Variants in BMX observed in about 807,000 individuals in gnomAD.
The protein encoded by BMX is cytoplasmic tyrosine-protein kinase BMX.
In BMX, 31 loss-of-function variants were observed where a neutral mutation model predicts 59.2. The observed-to-expected ratio is 0.52, with a 90% CI of 0.39 to 0.71. The LOEUF is 0.71. Ranked by LOEUF, BMX falls within the 30% of genes least tolerant of loss-of-function variation. The pLI is 0.00. For missense variants in BMX, 474 were observed against 491.7 expected (o/e 0.96, Z 0.34); for synonymous variants, 185 against 181.0 (o/e 1.02, Z -0.18).
chrX:15,540,014 A>G (rs1282454319), intron 14 of BMX, among the ~76,000 whole-genome samples: 1 of 112,383 alleles, frequency 8.9e-6, no homozygotes, highest in East Asian at 2.8e-4. Flanking sequence ...ACTGTGGAAG[A>G]CAGTGTGGTG....
chrX:15,554,509 G>A (rs992785654), intron 18 of BMX, among the ~76,000 whole-genome samples: 1 of 110,570 alleles, frequency 9.0e-6, no homozygotes, highest in Non-Finnish European at 1.9e-5. Flanking sequence ...ATTTGATTGA[G>A]GGTGGGTGGG....
At chrX:15,519,785 G>T (rs1051581386) in intron 6 of BMX, among the ~76,000 whole-genome samples, 2 of 111,775 alleles carry the variant, frequency 1.8e-5, no homozygotes, top group Admixed American at 9.5e-5. Flanking sequence ...TGCAGAAATT[G>T]TATGGTGAGA....
rs774651351 is a variant in BMX, at chrX:15,517,141, A to C, written c.446-788A>C. Among the ~76,000 whole-genome samples, 13 of 111,849 alleles carry C rather than the reference A, an allele frequency of 1.2e-4. No homozygotes were observed. The South Asian group carries it at 1.9e-3, about 16-fold the overall frequency. The stretch of plus-strand genomic sequence containing the variant: ...TGTTAATACTGGTCATTTTACCCCC[A>C]AAAAATCAATTAATAAATATTCATT... On this transcript the variant is annotated intron_variant, in intron 5 of 18. Transcript: ENST00000348343.
intron 15 of BMX, among the ~76,000 whole-genome samples, 157 bp downstream of exon 15, chrX:15,542,355 A>G (rs1210233763): frequency 8.9e-6 from 1 of 112,107 alleles, no homozygotes; most frequent in Non-Finnish European, 1.9e-5. Context: ...ACAAAAATCA[A>G]TGTAAAAATA....
chrX:15,518,518 C>A (rs1349322366), intron 6 of BMX, among the ~76,000 whole-genome samples: 3 of 111,997 alleles, frequency 2.7e-5, no homozygotes, highest in Non-Finnish European at 5.6e-5. Flanking sequence ...GTTTTGCAGT[C>A]ATTCTCAAAT....
intron 7 of BMX, among the ~76,000 whole-genome samples, chrX:15,524,129 C>A (rs1292722550): frequency 9.0e-6 from 1 of 111,688 alleles, no homozygotes; most frequent in Non-Finnish European, 1.9e-5. Flanking sequence ...AATCTATGCC[C>A]CCATTAAATC....
intron 18 of BMX, among the ~76,000 whole-genome samples, chrX:15,552,116 G>A (rs1926229409): frequency 8.9e-6 from 1 of 112,234 alleles, no homozygotes; most frequent in African/African-American, 3.2e-5. Flanking sequence ...TGCTATCTGT[G>A]TTATGACTCA....
chrX:15,518,981 T>C (rs1159914037), intron 6 of BMX, among the ~76,000 whole-genome samples: 21 of 112,050 alleles, frequency 1.9e-4, no homozygotes. Context: ...GGAGTTGGCC[T>C]ATAAGAAAAC....
At chrX:15,501,783 G>A (rs1055649914) in intron 1 of BMX, among the ~76,000 whole-genome samples, 2 of 111,093 alleles carry the variant, frequency 1.8e-5, no homozygotes, top group Non-Finnish European at 3.8e-5. Context: ...AGTCAATAAG[G>A]GTATGGTTCA....
At chrX:15,536,924 C>T (rs1361191391) in intron 13 of BMX, among the ~76,000 whole-genome samples, 2 of 111,261 alleles carry the variant, frequency 1.8e-5, no homozygotes, top group African/African-American at 3.3e-5. Context: ...ACTGTAGCTA[C>T]TTCAAGAATA....
At chrX:15,530,326 G>C (rs1925006350) in intron 10 of BMX, among the ~76,000 whole-genome samples, 1 of 111,530 alleles carries the variant, frequency 9.0e-6, no homozygotes, top group Non-Finnish European at 1.9e-5. Flanking sequence ...TTTTGCTTAG[G>C]GGCACTCCTG....
chrX:15,536,080 G>T (rs935724773), intron 12 of BMX, among the ~76,000 whole-genome samples: 3 of 112,102 alleles, frequency 2.7e-5, no homozygotes, highest in Non-Finnish European at 5.6e-5. Flanking sequence ...AAAGAAGGGG[G>T]AGAATTTTAA....
chrX:15,527,225 A>AACAC (rs1291868139), intron 9 of BMX, among the ~76,000 whole-genome samples: 1 of 53,232 alleles, frequency 1.9e-5, no homozygotes, highest in Admixed American at 2.2e-4. Context: ...AAACAACACA[A>AACAC]ACACACACAC....
intron 11 of BMX, among the ~76,000 whole-genome samples, chrX:15,531,688 ATGTTTATTAAGAGAC>A (rs753901907): frequency 9.0e-6 from 1 of 111,080 alleles, no homozygotes; most frequent in Admixed American, 9.6e-5. Context: ...GCCTCAGTAA[ATGTTTATTAAGAGAC>A]TCTCGGGTGA....
chrX:15,535,947 T>C (rs960719601), intron 12 of BMX, among the ~76,000 whole-genome samples: 4 of 112,050 alleles, frequency 3.6e-5, no homozygotes, highest in African/African-American at 1.3e-4. Flanking sequence ...TAGTAATAGG[T>C]TCAGTTTTTA....
chrX:15,544,795 G>A (rs867963396), intron 16 of BMX, among the ~76,000 whole-genome samples: 4 of 111,092 alleles, frequency 3.6e-5, no homozygotes, highest in Middle Eastern at 4.7e-3. Context: ...GGAGCTGAGG[G>A]GTTCTGGGGA....
chrX:15,553,213 CAT>C (rs753460312), intron 18 of BMX, among the ~76,000 whole-genome samples: 10 of 112,298 alleles, frequency 8.9e-5, no homozygotes, highest in Non-Finnish European at 1.3e-4. Flanking sequence ...CTGGGATTGG[CAT>C]ATGTGTTCAC....
chrX:15,512,779 A>G (rs1924011741), intron 4 of BMX, among the ~76,000 whole-genome samples: 1 of 112,037 alleles, frequency 8.9e-6, no homozygotes, highest in Admixed American at 9.5e-5. Flanking sequence ...ATGCACAAAC[A>G]TGAGTCACTG....
intron 4 of BMX, 42 bp downstream of exon 4, chrX:15,511,560 A>C: frequency 9.0e-7 from 1 of 1,107,573 alleles, no homozygotes; most frequent in Non-Finnish European, 1.2e-6. Flanking sequence ...AGGTCAAAAA[A>C]AGCCATAAAA....
Sources: allele counts gnomAD v4.1 joint callset (sites outside exome capture counted in the v4.1 genomes callset), GRCh38; gene constraint gnomAD v4.1.1; transcripts MANE v1.5; gene names NCBI Gene and HGNC (gene_info 2026-07-23, HGNC 2026-07-21).